RADIL: variants seen among roughly 807,000 people sequenced by gnomAD.
The protein encoded by RADIL is ras-associating and dilute domain-containing protein.
Under a neutral mutation model 97.6 loss-of-function variants are expected in RADIL, and 99 were observed. That is an observed-to-expected ratio of 1.01 (90% CI 0.86 to 1.20). The LOEUF (loss-of-function observed/expected upper bound fraction) is 1.20. Among genes scored for constraint, RADIL ranks in the 50% most tolerant of loss-of-function variants. RADIL has a pLI of 0.00. For missense variants in RADIL, 1,765 were observed against 1,498.9 expected (o/e 1.18, Z -2.93); for synonymous variants, 803 against 691.8 (o/e 1.16, Z -2.52).
intron 5 of RADIL, among the ~76,000 whole-genome samples, chr7:4,825,065 G>A (rs993132822): frequency 2.0e-5 from 3 of 152,150 alleles, no homozygotes; most frequent in African/African-American, 4.8e-5. Flanking sequence ...CTGTGTGGAC[G>A]GAGGAGCAGG....
rs1783244039 is a variant in RADIL at position 4,834,668 on chromosome 7, T to C, written c.1355A>G (p.Gln452Arg). 5 of 1,369,042 alleles carry C rather than the reference T, an allele frequency of 3.7e-6. No homozygotes were observed. The highest frequency in any genetic ancestry group is 4.7e-6 in the Non-Finnish European group (5 of 1,054,812). 84.8% of individuals were successfully genotyped at this position (1,369,042 alleles called of 1,614,324 possible). The change falls in exon 4 of 15, where the codon CAG becomes CGG. Residue 452 changes from glutamine to arginine, a missense_variant. Coordinates refer to ENST00000399583, the MANE Select transcript of RADIL (RefSeq NM_018059.5). The surrounding 1 kb of genome is among the most constrained non-coding windows in gnomAD (Gnocchi z 6.0). ...LCIQHSATHFQPGTFGQLLLK... is the reference protein window; with the variant it reads ...LCIQHSATHFRPGTFGQLLLK... ...CAGGAGCTGCCCGAATGTGCCCGGC[T>C]GGAAGTGGGTGGCCGAGTGCTGGAT...
At chr7:4,877,494 G>A in intron 2 of RADIL, 111 bp downstream of exon 2, 1 of 1,237,116 alleles carries the variant, frequency 8.1e-7, no homozygotes, top group Non-Finnish European at 1.1e-6. Flanking sequence ...GCCTCCTGCA[G>A]AGCGAGCCCG....
intron 2 of RADIL, among the ~76,000 whole-genome samples, chr7:4,862,450 T>G (rs1050437598): frequency 3.3e-5 from 5 of 152,220 alleles, no homozygotes; most frequent in Admixed American, 2.0e-4. Context: ...GGCCATGCTT[T>G]AAGGGCGCGA....
intron 2 of RADIL, among the ~76,000 whole-genome samples, chr7:4,843,512 G>A (rs1389427426): frequency 6.6e-6 from 1 of 152,132 alleles, no homozygotes; most frequent in Non-Finnish European, 1.5e-5. Context: ...CATTTCAAAT[G>A]TACAAAAAAG....
intron 9 of RADIL, among the ~76,000 whole-genome samples, chr7:4,812,410 CT>C (rs199798645): frequency 0.011 from 1,688 of 151,928 alleles, 29 homozygotes; most frequent in African/African-American, 0.039. Flanking sequence ...CCTTATTCAA[CT>C]TTCTATTTTT....
chr7:4,821,918 A>G lies in RADIL; in HGVS notation c.1615+476T>C, dbSNP rs1362844644. ...ACATCTTAATCTGTGAAACCGACAT[A>G]ATCTACAATTTCACAACAATGACTG... On this transcript the variant is annotated intron_variant, in intron 6 of 14. Transcript: ENST00000399583. This position sits in a 1 kb window ranked among gnomAD's most constrained non-coding sequence, Gnocchi z 5.2. Among the ~76,000 whole-genome samples, 1 of 152,144 alleles carries G rather than the reference A, an allele frequency of 6.6e-6. No individual in the cohort carries two copies. Among genetic ancestry groups the G allele is most frequent in the Non-Finnish European group, 1.5e-5 (1 of 68,024 alleles).
In RADIL at chr7:4,800,227, TGA is replaced by T; in HGVS notation, c.2924_2925del (p.Phe975TyrfsTer132). ...SSSTEDFCYV[F>X]TVELERGPSG... is the part of the protein sequence containing the mutation. ...GAGGGGCCTCGTTCCAGCTCCACCG[TGA>T]AGACGTAGCAGAAGTCCTCGGTGCT... is the stretch of plus-strand genomic sequence containing the variant. On this transcript the variant is annotated frameshift_variant, in exon 13 of 15. Transcript: ENST00000399583. LOFTEE classifies it high-confidence loss of function. 6.2e-7 allele frequency: 1 copy of T among 1,603,564 alleles called. No homozygotes were observed. Among genetic ancestry groups the T allele is most frequent in the South Asian group, 1.1e-5 (1 of 89,734 alleles).
intron 2 of RADIL, among the ~76,000 whole-genome samples, chr7:4,856,736 T>C (rs938087783): frequency 6.6e-6 from 1 of 152,260 alleles, no homozygotes; most frequent in African/African-American, 2.4e-5. Context: ...TTAATTTTTG[T>C]ACATGCCCAA....
chr7:4,872,676 T>C lies in RADIL; in HGVS notation c.535+4929A>G, dbSNP rs1278915540. On this transcript the variant is annotated intron_variant, in intron 2 of 14. Transcript: ENST00000399583. This position sits in a 1 kb window ranked among gnomAD's most constrained non-coding sequence, Gnocchi z 5.8. ...GAAGAGACCCTCTAGGTCTTGTGAC[T>C]CTGGAAATCAGGGGGAACCTGGTGG... Among the ~76,000 whole-genome samples the C allele has an allele frequency of 6.6e-6, 1 of 152,060 alleles. No individual in the cohort carries two copies. Among genetic ancestry groups the C allele is most frequent in the African/African-American group, 2.4e-5 (1 of 41,414 alleles).
rs1161037895 is a variant in RADIL at position 4,849,872 on chromosome 7, A to G, written c.536-13267T>C. 6.6e-6 allele frequency among the ~76,000 whole-genome samples: 1 copy of G among 152,192 alleles called. No homozygotes were observed. The highest frequency in any genetic ancestry group is 2.4e-5 in the African/African-American group (1 of 41,444). ...GCTTAAGTACAAAAATAAAAATCCTAGGTAATAAGAAAGTATTATGTCCTA... is the reference window on the plus strand; with the variant it reads ...GCTTAAGTACAAAAATAAAAATCCTGGGTAATAAGAAAGTATTATGTCCTA... On this transcript the variant is annotated intron_variant, in intron 2 of 14. Transcript: ENST00000399583. This position sits in a 1 kb window ranked among gnomAD's most constrained non-coding sequence, Gnocchi z 5.4.
At chr7:4,857,229 C>A (rs1583311838) in intron 2 of RADIL, among the ~76,000 whole-genome samples, 1 of 152,146 alleles carries the variant, frequency 6.6e-6, no homozygotes, top group South Asian at 2.1e-4. Context: ...GGTGCTCTTG[C>A]CCTTAATAAT....
intron 5 of RADIL, among the ~76,000 whole-genome samples, chr7:4,826,665 G>A (rs950686848): frequency 1.6e-4 from 25 of 151,516 alleles, no homozygotes; most frequent in African/African-American, 4.4e-4. Context: ...CCCAGGAGGC[G>A]GAGGTTGCAG....
chr7:4,832,326 G>A (rs1239742744), intron 4 of RADIL, 148 bp from the exon 5 acceptor site: 3 of 765,166 alleles, frequency 3.9e-6, no homozygotes, highest in African/African-American at 3.5e-5. Flanking sequence ...AGCTGTGCTG[G>A]AAAGGACATT....
chr7:4,860,257 A>G (rs1253567836), intron 2 of RADIL: 16 of 1,613,826 alleles, frequency 9.9e-6, no homozygotes, highest in Non-Finnish European at 1.4e-5. Context: ...TGTCGTTCAA[A>G]TCTGTCAATC....
chr7:4,809,152 C>T, intron 9 of RADIL: 1 of 985,262 alleles, frequency 1.0e-6, no homozygotes, highest in Non-Finnish European at 1.2e-6. Context: ...GGTGGCCCGG[C>T]CGCTTCTGGA....
chr7:4,810,832 G>A (rs1248515739), intron 9 of RADIL, among the ~76,000 whole-genome samples: 3 of 152,152 alleles, frequency 2.0e-5, no homozygotes, highest in South Asian at 2.1e-4. Context: ...TCATGTGTTC[G>A]GTGTTTAAAA....
At chr7:4,825,908 A>T (rs35032605) in intron 5 of RADIL, among the ~76,000 whole-genome samples, 4,383 of 145,036 alleles carry the variant, frequency 0.03, 108 homozygotes, top group Admixed American at 0.089. Flanking sequence ...AAAAAAAAAA[A>T]GGGAAATGAA....
In RADIL at chr7:4,849,144, A is replaced by G. The variant is rs1482215526; in HGVS notation, c.536-12539T>C. ...CAAGAGGGAAATTCTGTCTCAAAAA[A>G]AAAAAAAAAAAGGGAATTAAAAGCC... On this transcript the variant is annotated intron_variant, in intron 2 of 14. Transcript: ENST00000399583. This position sits in a 1 kb window ranked among gnomAD's most constrained non-coding sequence, Gnocchi z 5.4. 1.3e-5 allele frequency among the ~76,000 whole-genome samples: 2 copies of G among 151,954 alleles called. No homozygotes were observed. Among genetic ancestry groups the G allele is most frequent in the African/African-American group, 4.8e-5 (2 of 41,370 alleles).
At chr7:4,805,254 C>T (rs1782262577) in intron 10 of RADIL, 1 of 366,074 alleles carries the variant, frequency 2.7e-6, no homozygotes. Context: ...TCCTGGGTAG[C>T]CATACAACAG....
Sources: gnomAD v4.1 joint callset for allele counts (sites outside exome capture counted in the v4.1 genomes callset) on GRCh38, gnomAD v4.1.1 for gene constraint, Gnocchi (gnomAD v3.1) non-coding constraint, MANE v1.5 for transcripts, NCBI Gene and HGNC (gene_info 2026-07-23, HGNC 2026-07-21) for gene names.